Variants in C10orf90 observed in about 807,000 individuals in gnomAD.
C10orf90 encodes the protein chromosome 10 open reading frame 90, also known as (E2-independent) E3 ubiquitin-conjugating enzyme FATS.
A neutral mutation model predicts 62.5 loss-of-function variants in C10orf90; 56 were observed. The ratio of observed to expected loss-of-function variants is 0.90; its 90% CI spans 0.72 to 1.12. The LOEUF is 1.12. Among genes scored for constraint, C10orf90 ranks in the 50% most tolerant of loss-of-function variants. The pLI, the probability that C10orf90 is intolerant of heterozygous loss-of-function variation, is 0.00. For synonymous variants in C10orf90, 386 were observed against 340.4 expected (o/e 1.13, Z -1.47); for missense variants, 970 against 880.4 (o/e 1.10, Z -1.29).
At chr10:126,601,112 G>A (rs1260310696) in intron 2 of C10orf90, among the ~76,000 whole-genome samples, 2 of 152,166 alleles carry the variant, frequency 1.3e-5, no homozygotes, top group Non-Finnish European at 2.9e-5. Context: ...GAAAAATACT[G>A]CTTATCTCAC....
chr10:126,518,761 G>T (rs1243216372), intron 2 of C10orf90, among the ~76,000 whole-genome samples: 1 of 152,098 alleles, frequency 6.6e-6, no homozygotes, highest in Non-Finnish European at 1.5e-5. Context: ...GATTGCACCC[G>T]CTGCTGTCTC....
intron 4 of C10orf90, among the ~76,000 whole-genome samples, chr10:126,497,118 G>T (rs1426590042): frequency 6.6e-6 from 1 of 152,216 alleles, no homozygotes; most frequent in Non-Finnish European, 1.5e-5. Context: ...GGAGGCTGTT[G>T]CGGTGCCAGC....
chr10:126,464,874 C>T lies in C10orf90; in HGVS notation c.1647G>A (p.Gly549=). 6.2e-7 allele frequency: 1 copy of T among 1,614,132 alleles called. No individual in the cohort carries two copies. Among genetic ancestry groups the T allele is most frequent in the Admixed American group, 1.7e-5 (1 of 60,022 alleles). The stretch of plus-strand genomic sequence containing the variant: ...GACAGTCATCGCTTGGAGAGCTATC[C>T]CCAATGGGAAGGAAATGTCTAGTGG... ...QKPTRHFLPI[G]DSSPSDDCLS... Residue 549 remains glycine, a synonymous_variant, in exon 5 of 10, where the codon GGG becomes GGA. Transcript: ENST00000488181.
chr10:126,642,420 T>C (rs1392224422), intron 2 of C10orf90, among the ~76,000 whole-genome samples: 2 of 151,992 alleles, frequency 1.3e-5, no homozygotes, highest in Non-Finnish European at 2.9e-5. Context: ...TAGTCCCAGC[T>C]ACTCGGGAGA....
intron 3 of C10orf90, among the ~76,000 whole-genome samples, chr10:126,506,205 A>T (rs1054433352): frequency 7.2e-5 from 11 of 152,228 alleles, no homozygotes; most frequent in Non-Finnish European, 1.6e-4. Context: ...TAAATTGCTC[A>T]TGTGTCCAAA....
chr10:126,550,782 T>C (rs1864614217), intron 2 of C10orf90, among the ~76,000 whole-genome samples: 1 of 152,230 alleles, frequency 6.6e-6, no homozygotes. Context: ...AATGCTGGGA[T>C]TACAGGCATG....
chr10:126,494,033 A>G (rs1383911684), intron 4 of C10orf90, among the ~76,000 whole-genome samples: 3 of 152,162 alleles, frequency 2.0e-5, no homozygotes, highest in Non-Finnish European at 2.9e-5. Flanking sequence ...TCTTACATGC[A>G]CAAGGATATT....
intron 4 of C10orf90, among the ~76,000 whole-genome samples, chr10:126,497,767 G>A (rs187397478): frequency 7.2e-5 from 11 of 152,310 alleles, no homozygotes; most frequent in African/African-American, 2.4e-4. Context: ...CAACTTTGCT[G>A]TTGCAGTATG....
At chr10:126,576,675 A>ATATG (rs1480936933) in intron 2 of C10orf90, among the ~76,000 whole-genome samples, 593 of 26,402 alleles carry the variant, frequency 0.022, 150 homozygotes, top group Non-Finnish European at 0.028. Flanking sequence ...ATATATATGT[A>ATATG]TACATATACA....
At chr10:126,593,367 C>A (rs553923730) in intron 2 of C10orf90, among the ~76,000 whole-genome samples, 1 of 152,210 alleles carries the variant, frequency 6.6e-6, no homozygotes, top group East Asian at 1.9e-4. Context: ...TAAAAAGAAA[C>A]AAAATCATGT....
At chr10:126,519,789 G>T (rs1448420493) in intron 2 of C10orf90, among the ~76,000 whole-genome samples, 2 of 152,074 alleles carry the variant, frequency 1.3e-5, no homozygotes, top group Non-Finnish European at 2.9e-5. Context: ...TGGCTAGTGT[G>T]TCTTACTTTC....
intron 2 of C10orf90, among the ~76,000 whole-genome samples, chr10:126,612,145 AC>A (rs1160306896): frequency 6.6e-6 from 1 of 152,108 alleles, no homozygotes; most frequent in Non-Finnish European, 1.5e-5. Flanking sequence ...ACATGGTGAA[AC>A]CCTGTCTCTA....
intron 7 of C10orf90, among the ~76,000 whole-genome samples, chr10:126,435,510 G>T (rs1475772415): frequency 6.6e-6 from 1 of 152,084 alleles, no homozygotes; most frequent in African/African-American, 2.4e-5. Context: ...CCTTGGTGGG[G>T]AGGTGGTGAA....
chr10:126,649,058 CTCTCTCTCTCT>C (rs1846233024), intron 1 of C10orf90, among the ~76,000 whole-genome samples: 7 of 58,942 alleles, frequency 1.2e-4, no homozygotes, highest in African/African-American at 4.9e-4. Flanking sequence ...CTCTCTCTCT[CTCTCTCTCTCT>C]CTCCCCCCCC....
At position 126,504,124 on chromosome 10, in the gene C10orf90, G is replaced by A. The variant is rs1160830886; in HGVS notation, c.1367C>T (p.Ala456Val). 1.9e-6 allele frequency: 3 copies of A among 1,614,120 alleles called. No homozygotes were observed. Among genetic ancestry groups the A allele is most frequent in the Admixed American group, 3.3e-5 (2 of 60,012 alleles). The change falls in exon 4 of 10, where the codon GCT becomes GTT. Residue 456 changes from alanine to valine, a missense_variant. By Grantham distance (64) the Ala-to-Val change is moderately conservative. Transcript: ENST00000488181. The surrounding 1 kb of genome is among the most constrained non-coding windows in gnomAD (Gnocchi z 4.1). ...SLRRVHLGTGACPWSGSFPLE... is the reference protein window; with the variant it reads ...SLRRVHLGTGVCPWSGSFPLE... ...TGGAAAAGAACCACTCCAAGGACAA[G>A]CGCCGGTCCCCAAATGCACCCGCCT...
intron 6 of C10orf90, among the ~76,000 whole-genome samples, chr10:126,459,450 A>G (rs916509940): frequency 1.3e-5 from 2 of 152,260 alleles, no homozygotes; most frequent in East Asian, 3.9e-4. Context: ...CCCCTGCTGC[A>G]GCAGGATTGA....
chr10:126,670,670 A>C lies in C10orf90; in HGVS notation c.-190T>G. On this transcript the variant is annotated 5_prime_UTR_variant, in exon 1 of 10. Transcript: ENST00000488181. ...ATTTGTGAAGGATGTGGATGTGGGA[A>C]CCTCAGGGGTGACCTTTACGTGCCA... is the stretch of plus-strand genomic sequence containing the variant. Among the ~76,000 whole-genome samples the C allele has an allele frequency of 7.3e-6, 1 of 137,046 alleles. No individual in the cohort carries two copies. The highest frequency in any genetic ancestry group is 3.0e-5 in the African/African-American group (1 of 33,608). The allele number at this position is 137,046 out of a possible 152,430, so 89.9% of individuals were successfully genotyped here.
intron 4 of C10orf90, among the ~76,000 whole-genome samples, chr10:126,468,949 T>G (rs1356942552): frequency 6.6e-6 from 1 of 152,174 alleles, no homozygotes; most frequent in African/African-American, 2.4e-5. Context: ...TCTCTCCAAA[T>G]GTACAAATCT....
intron 2 of C10orf90, 43 bp downstream of exon 2, chr10:126,646,522 G>A: frequency 2.7e-6 from 1 of 366,396 alleles, no homozygotes; most frequent in Non-Finnish European, 5.3e-6. Context: ...AGTAAATAAA[G>A]GCTTGAAAGG....
Sources: allele counts gnomAD v4.1 joint callset (sites outside exome capture counted in the v4.1 genomes callset), GRCh38; gene constraint gnomAD v4.1.1; non-coding constraint Gnocchi (gnomAD v3.1); transcripts MANE v1.5; gene names NCBI Gene and HGNC (gene_info 2026-07-23, HGNC 2026-07-21).